ZC3H8: variants seen among roughly 807,000 people sequenced by gnomAD.
ZC3H8 encodes zinc finger CCCH-type containing 8.
In ZC3H8, 27 loss-of-function variants were observed where a neutral mutation model predicts 42.5. That is an observed-to-expected ratio of 0.64 (90% confidence interval 0.47 to 0.88). ZC3H8 has a LOEUF of 0.88. Among genes scored for constraint, ZC3H8 ranks in the 40% least tolerant of loss-of-function variants. The pLI is 0.00. For missense variants in ZC3H8, 277 were observed against 336.1 expected, an observed-to-expected ratio of 0.82 and a Z score of 1.37; for synonymous variants, 101 against 110.1, an observed-to-expected ratio of 0.92 and a Z score of 0.52.
Position 112,254,925 on chromosome 2 carries a change from G to A in ZC3H8, c.57C>T (p.Ala19=). 1.2e-6 allele frequency: 2 copies of A among 1,613,562 alleles called. No individual in the cohort carries two copies. The highest frequency in any genetic ancestry group is 8.5e-7 in the Non-Finnish European group (1 of 1,179,672). ...KPPNPALGKT[A]TDSDERIDDE... is the part of the protein sequence containing the mutation. ...GGGATCACCTTTCGTCAGAGTCCGTGGCCGTTTTGCCGAGGGCCGGGTTGG... is the reference window on the plus strand; with the variant it reads ...GGGATCACCTTTCGTCAGAGTCCGTAGCCGTTTTGCCGAGGGCCGGGTTGG... Residue 19 remains alanine (A), a synonymous_variant, in exon 1 of 9, where the codon GCC becomes GCT. Coordinates refer to ENST00000409573, the MANE Select transcript of ZC3H8 (RefSeq NM_032494.3).
In ZC3H8 at chr2:112,238,406, C is replaced by T. The variant is rs1685441063; in HGVS notation, c.279G>A (p.Glu93=). 1 of 1,613,670 alleles carries T rather than the reference C, an allele frequency of 6.2e-7. No homozygotes were observed. Residue 93 remains glutamate, a synonymous_variant, in exon 3 of 9, where the codon GAG becomes GAA. Transcript: ENST00000409573. ...CTCTGGCTTGTATGTACTGTTGAAG[C>T]TCTTTGGCAAAATTATCTTCTGATT... The part of the protein sequence containing the change: ...SQESEDNFAK[E]LQQYIQAREM...
At chr2:112,253,675 T>A (rs1426553130) in intron 1 of ZC3H8, among the ~76,000 whole-genome samples, 1 of 152,238 alleles carries the variant, frequency 6.6e-6, no homozygotes, top group African/African-American at 2.4e-5. Flanking sequence ...GTCTTTTATG[T>A]ATTGCAGTCA....
At chr2:112,226,204 C>CA (rs1684819669) in intron 8 of ZC3H8, among the ~76,000 whole-genome samples, 1 of 150,580 alleles carries the variant, frequency 6.6e-6, no homozygotes. Context: ...TGGAAAGATA[C>CA]AAATTACCAA....
intron 2 of ZC3H8, among the ~76,000 whole-genome samples, chr2:112,239,149 G>A (rs554934591): frequency 1.4e-4 from 21 of 152,166 alleles, no homozygotes; most frequent in Non-Finnish European, 2.1e-4. Context: ...GTTGTTGCAC[G>A]TGCCCAAGGC....
At chr2:112,217,490 T>TC (rs755130312) in intron 8 of ZC3H8, among the ~76,000 whole-genome samples, 1 of 152,262 alleles carries the variant, frequency 6.6e-6, no homozygotes, top group Non-Finnish European at 1.5e-5. Context: ...TACATTAAAA[T>TC]CCATTGGTCT....
chr2:112,226,304 A>T (rs888848268), intron 8 of ZC3H8, among the ~76,000 whole-genome samples: 1 of 151,962 alleles, frequency 6.6e-6, no homozygotes, highest in African/African-American at 2.4e-5. Context: ...ATTAAAAAAA[A>T]GCGGCTGGGC....
At chr2:112,252,672 G>A (rs896141446) in intron 1 of ZC3H8, among the ~76,000 whole-genome samples, 2 of 151,912 alleles carry the variant, frequency 1.3e-5, no homozygotes, top group African/African-American at 4.8e-5. Context: ...AGCTGTCCTG[G>A]CCACTTTGCT....
At chr2:112,223,468 AATC>A (rs1364528094) in intron 8 of ZC3H8, among the ~76,000 whole-genome samples, 2 of 152,158 alleles carry the variant, frequency 1.3e-5, no homozygotes, top group African/African-American at 2.4e-5. Flanking sequence ...CATCTACAAA[AATC>A]ATCATGATAT....
intron 8 of ZC3H8, among the ~76,000 whole-genome samples, chr2:112,228,401 C>T (rs1384439616): frequency 6.6e-6 from 1 of 151,730 alleles, no homozygotes; most frequent in Non-Finnish European, 1.5e-5. Context: ...ACTCGGGATG[C>T]TGAGGCATGA....
intron 4 of ZC3H8, among the ~76,000 whole-genome samples, chr2:112,235,502 T>G (rs1357286504): frequency 6.6e-6 from 1 of 152,170 alleles, no homozygotes; most frequent in Non-Finnish European, 1.5e-5. Context: ...AGATTCCTCA[T>G]TCATAAAATA....
chr2:112,248,484 T>C (rs1685833206), intron 2 of ZC3H8, among the ~76,000 whole-genome samples: 1 of 152,172 alleles, frequency 6.6e-6, no homozygotes, highest in African/African-American at 2.4e-5. Flanking sequence ...TCTTCTATAG[T>C]GTGTTAAAAC....
intron 2 of ZC3H8, among the ~76,000 whole-genome samples, chr2:112,245,830 A>G (rs889738304): frequency 2.0e-5 from 3 of 152,232 alleles, no homozygotes; most frequent in African/African-American, 7.2e-5. Flanking sequence ...ACTAGAGAGA[A>G]GTCAATACCT....
intron 2 of ZC3H8, among the ~76,000 whole-genome samples, chr2:112,243,026 G>A (rs1685637686): frequency 6.6e-6 from 1 of 152,184 alleles, no homozygotes; most frequent in African/African-American, 2.4e-5. Context: ...AAAGATATGA[G>A]GAAACTGGAG....
At position 112,240,986 on chromosome 2, in the gene ZC3H8, C is replaced by CGT. The variant is rs1558930158; in HGVS notation, c.157-2459_157-2458insAC. Reference sequence around the variant, plus strand: ...GTGTGTGTGTGTGTGTGTGTGTGTGCGCGTGTGTATGTGTGTTGTGTTTTG... The same window carrying CGT: ...GTGTGTGTGTGTGTGTGTGTGTGTGCGTGCGTGTGTATGTGTGTTGTGTTTTG... On this transcript the variant is annotated intron_variant, in intron 2 of 8. Transcript: ENST00000409573. 1.2e-4 allele frequency among the ~76,000 whole-genome samples: 14 copies of CGT among 120,326 alleles called. No homozygotes were observed. The South Asian group carries it at 3.3e-3, about 28-fold the overall frequency. The allele number at this position is 120,326 out of a possible 152,430, so 78.9% of individuals were successfully genotyped here.
At chr2:112,239,648 G>A (rs1399893109) in intron 2 of ZC3H8, among the ~76,000 whole-genome samples, 1 of 137,704 alleles carries the variant, frequency 7.3e-6, no homozygotes, top group African/African-American at 2.8e-5. Flanking sequence ...GCAGTGGCAC[G>A]ATCTTGGCTC....
At chr2:112,223,895 C>T (rs1032558870) in intron 8 of ZC3H8, among the ~76,000 whole-genome samples, 2 of 152,184 alleles carry the variant, frequency 1.3e-5, no homozygotes, top group East Asian at 3.8e-4. Context: ...GTAATCCCAG[C>T]ACTTTGGGAG....
chr2:112,242,497 G>A (rs1311387884), intron 2 of ZC3H8, among the ~76,000 whole-genome samples: 2 of 152,140 alleles, frequency 1.3e-5, no homozygotes, highest in Admixed American at 6.5e-5. Context: ...AACATTTTGA[G>A]TGCTTCATTG....
At position 112,213,392 on chromosome 2, in the gene ZC3H8, CG is replaced by C. The variant is rs1247722883; in HGVS notation, c.*3091del. 2 of 152,036 alleles carry C rather than the reference CG, an allele frequency of 1.3e-5. No individual in the cohort carries two copies. Among genetic ancestry groups the C allele is most frequent in the Non-Finnish European group, 2.9e-5 (2 of 68,024 alleles). The allele number at this position is 152,036 out of a possible 1,614,324, so 9.4% of individuals were successfully genotyped here. ...AACAGGGGACAGTCATTTAACATCTCGGGGTCTGAATTCCTAAAGTTCTACA... is the reference window on the plus strand; with the variant it reads ...AACAGGGGACAGTCATTTAACATCTCGGGTCTGAATTCCTAAAGTTCTACA... On this transcript the variant is annotated 3_prime_UTR_variant, in exon 9 of 9. Coordinates refer to ENST00000409573, the MANE Select transcript of ZC3H8 (RefSeq NM_032494.3).
chr2:112,213,306 G>A lies in ZC3H8; in HGVS notation c.*3178C>T, dbSNP rs1351717570. 1 of 151,924 alleles carries A rather than the reference G, an allele frequency of 6.6e-6. No individual in the cohort carries two copies. Among genetic ancestry groups the A allele is most frequent in the African/African-American group, 2.4e-5 (1 of 41,364 alleles). 9.4% of individuals were successfully genotyped at this position (151,924 alleles called of 1,614,324 possible). On this transcript the variant is annotated 3_prime_UTR_variant, in exon 9 of 9. Transcript: ENST00000409573. ...TTGCACGTAACCCCCCAGTGGTTAT[G>A]CTTATAAGAAACTAGTCAGTGAACT...
Sources: allele counts gnomAD v4.1 joint callset (sites outside exome capture counted in the v4.1 genomes callset), GRCh38; gene constraint gnomAD v4.1.1; transcripts MANE v1.5; gene names NCBI Gene and HGNC (gene_info 2026-07-23, HGNC 2026-07-21).